The following ARHGAP21 variants were observed in gnomAD, a reference collection of about 807,000 sequenced individuals.
ARHGAP21 encodes Rho GTPase activating protein 21.
ARHGAP21 carries 38 observed loss-of-function variants against 164.6 expected under a neutral mutation model. The observed-to-expected ratio is 0.23, with a 90% CI of 0.18 to 0.30. The LOEUF (loss-of-function observed/expected upper bound fraction) is 0.30. Ranked by LOEUF, ARHGAP21 falls within the 10% of genes least tolerant of loss-of-function variation. The probability of loss-of-function intolerance (pLI) is 1.00; values close to 1 mark genes in which losing one functional copy is unlikely to be tolerated. For synonymous variants in ARHGAP21, 766 were observed against 857.9 expected (o/e 0.89, Z 1.87); for missense variants, 1,822 against 2,370.7 (o/e 0.77, Z 4.81).
chr10:24,659,272 T>TAC (rs1355535438), intron 4 of ARHGAP21, among the ~76,000 whole-genome samples: 4 of 152,318 alleles, frequency 2.6e-5, no homozygotes, highest in African/African-American at 9.6e-5. Context: ...AAAGAAGATA[T>TAC]ACAAATGGAT....
At chr10:24,710,597 C>T (rs1593368817) in intron 2 of ARHGAP21, among the ~76,000 whole-genome samples, 1 of 151,996 alleles carries the variant, frequency 6.6e-6, no homozygotes, top group South Asian at 2.1e-4. Flanking sequence ...TTTTATGCTG[C>T]GCACCCTCAG....
intron 9 of ARHGAP21, among the ~76,000 whole-genome samples, chr10:24,612,079 A>T (rs189254748): frequency 1.3e-5 from 2 of 152,174 alleles, no homozygotes; most frequent in Non-Finnish European, 2.9e-5. Flanking sequence ...GAAGCATATA[A>T]TTAATGTACT....
intron 6 of ARHGAP21, among the ~76,000 whole-genome samples, chr10:24,630,331 G>C (rs1459442985): frequency 2.0e-5 from 3 of 152,070 alleles, no homozygotes; most frequent in Non-Finnish European, 4.4e-5. Context: ...GAAATATAAA[G>C]TATGTTGCTT....
rs142573508 is a variant in ARHGAP21 at position 24,619,739 on chromosome 10, T to C, written c.2156A>G (p.Gln719Arg). The change falls in exon 9 of 26, where the codon CAA becomes CGA. Residue 719 changes from glutamine (Q) to arginine (R), a missense_variant. By Grantham distance (43) the Gln-to-Arg change is conservative (BLOSUM62 1). Coordinates refer to ENST00000396432, the MANE Select transcript of ARHGAP21 (RefSeq NM_020824.4). ...VSQRNQDLSL[Q>R]EAETEQSDTL... ...ATCTGATTGCTCAGTTTCAGCCTCT[T>C]GTAAACTTAAATCTTGATTCCTTTG... 685 of 1,614,188 alleles carry C rather than the reference T, an allele frequency of 4.2e-4. 5 individuals are homozygous for C. The South Asian group carries it at 6.0e-3, about 14-fold the overall frequency.
chr10:24,695,034 G>C (rs1843034242), intron 2 of ARHGAP21, among the ~76,000 whole-genome samples: 1 of 75,702 alleles, frequency 1.3e-5, no homozygotes, highest in Admixed American at 1.9e-4. Context: ...CTGGGTAACA[G>C]AGCAAAATTC....
intron 2 of ARHGAP21, among the ~76,000 whole-genome samples, chr10:24,686,084 G>A (rs1194349903): frequency 1.3e-5 from 2 of 151,904 alleles, no homozygotes; most frequent in African/African-American, 4.8e-5. Flanking sequence ...AAGAGATAAG[G>A]GCAAAAAGAC....
chr10:24,677,891 T>C (rs1001198182), intron 2 of ARHGAP21, among the ~76,000 whole-genome samples: 4 of 152,164 alleles, frequency 2.6e-5, no homozygotes, highest in Non-Finnish European at 4.4e-5. Context: ...ATGAATAAAA[T>C]AGTCATTAAA....
intron 2 of ARHGAP21, among the ~76,000 whole-genome samples, chr10:24,691,704 T>A (rs1225268324): frequency 6.6e-6 from 1 of 152,192 alleles, no homozygotes. Context: ...CATTATAAGA[T>A]GGATTATTTT....
intron 4 of ARHGAP21, among the ~76,000 whole-genome samples, chr10:24,636,525 C>T (rs945053384): frequency 1.3e-5 from 2 of 152,178 alleles, no homozygotes; most frequent in Non-Finnish European, 2.9e-5. Flanking sequence ...CATGATACTA[C>T]TTGTTAAACA....
At chr10:24,655,947 C>A (rs1304782278) in intron 4 of ARHGAP21, among the ~76,000 whole-genome samples, 1 of 116,574 alleles carries the variant, frequency 8.6e-6, no homozygotes, top group Non-Finnish European at 1.8e-5. Flanking sequence ...CCGGCCACCC[C>A]GTCTGAGAAG....
At chr10:24,593,997 C>G (rs150445781) in intron 21 of ARHGAP21, among the ~76,000 whole-genome samples, 40 of 152,140 alleles carry the variant, frequency 2.6e-4, no homozygotes, top group African/African-American at 9.4e-4. Flanking sequence ...CATAATCAAT[C>G]CTTACAACTT....
Position 24,723,722 on chromosome 10 carries a change from G to T in ARHGAP21, c.-541C>A. 1 of 146,688 alleles carries T rather than the reference G, an allele frequency of 6.8e-6. No individual in the cohort carries two copies. The highest frequency in any genetic ancestry group is 1.9e-4 in the South Asian group (1 of 5,384). The allele number at this position is 146,688 out of a possible 1,614,324, so 9.1% of individuals were successfully genotyped here. The stretch of plus-strand genomic sequence containing the variant: ...GCCGCGCTCCGAGGCCGCCGCCCCC[G>T]GCCGGCCGCTCCCAGGCACCGCCGC... On this transcript the variant is annotated 5_prime_UTR_variant, in exon 1 of 26. Transcript: ENST00000396432.
intron 4 of ARHGAP21, among the ~76,000 whole-genome samples, chr10:24,652,414 A>G (rs981339059): frequency 6.6e-6 from 1 of 152,212 alleles, no homozygotes; most frequent in Non-Finnish European, 1.5e-5. Context: ...CTGCATGACC[A>G]TGGAGTAGAA....
At chr10:24,611,935 C>G (rs995655133) in intron 9 of ARHGAP21, among the ~76,000 whole-genome samples, 3 of 152,028 alleles carry the variant, frequency 2.0e-5, no homozygotes, top group Non-Finnish European at 4.4e-5. Flanking sequence ...TTTCTAGCAC[C>G]CTGACAAATG....
chr10:24,696,487 A>G (rs2132070622), intron 2 of ARHGAP21, among the ~76,000 whole-genome samples: 1 of 152,352 alleles, frequency 6.6e-6, no homozygotes, highest in Non-Finnish European at 1.5e-5. Flanking sequence ...CAGTAGGTAA[A>G]GTACTCAGAA....
intron 2 of ARHGAP21, among the ~76,000 whole-genome samples, chr10:24,721,068 T>G (rs1261569681): frequency 6.6e-6 from 1 of 151,970 alleles, no homozygotes; most frequent in Admixed American, 6.6e-5. Flanking sequence ...ATTTCTGTCC[T>G]GCCTGCTCAA....
chr10:24,693,896 GTTCA>G (rs1842939427), intron 2 of ARHGAP21, among the ~76,000 whole-genome samples: 1 of 152,014 alleles, frequency 6.6e-6, no homozygotes, highest in African/African-American at 2.4e-5. Context: ...TTATTTCTGT[GTTCA>G]TTCATTTAGT....
At chr10:24,608,825 T>A (rs1163867428) in intron 9 of ARHGAP21, among the ~76,000 whole-genome samples, 1 of 152,180 alleles carries the variant, frequency 6.6e-6, no homozygotes, top group Non-Finnish European at 1.5e-5. Flanking sequence ...TTTGAAAATT[T>A]CTCTATGCAC....
intron 4 of ARHGAP21, among the ~76,000 whole-genome samples, chr10:24,666,775 C>T (rs1840236438): frequency 6.6e-6 from 1 of 152,072 alleles, no homozygotes; most frequent in African/African-American, 2.4e-5. Context: ...AACAACAAAA[C>T]CATTACATGT....
Sources: gnomAD v4.1 joint callset for allele counts (sites outside exome capture counted in the v4.1 genomes callset) on GRCh38, gnomAD v4.1.1 for gene constraint, MANE v1.5 for transcripts, NCBI Gene and HGNC (gene_info 2026-07-23, HGNC 2026-07-21) for gene names.